Variants in WASF3 observed in about 807,000 individuals in gnomAD.
WASF3 encodes WASP family member 3.
WASF3 carries 11 observed loss-of-function variants against 46.6 expected under a neutral mutation model. The ratio of observed to expected loss-of-function variants is 0.24; its 90% CI spans 0.15 to 0.39. WASF3 has a LOEUF of 0.39. WASF3 is among the 10% of genes least tolerant of loss of function. The pLI, the probability that WASF3 is intolerant of heterozygous loss-of-function variation, is 1.00. For synonymous variants in WASF3, 242 were observed against 259.7 expected, an observed-to-expected ratio of 0.93 and a Z score of 0.65; for missense variants, 576 against 669.8, an observed-to-expected ratio of 0.86 and a Z score of 1.55.
chr13:26,684,014 G>T (rs530061484), intron 9 of WASF3, among the ~76,000 whole-genome samples: 1 of 152,212 alleles, frequency 6.6e-6, no homozygotes, highest in Non-Finnish European at 1.5e-5. Context: ...GACCAAGCAA[G>T]GAGCCTGGCT....
Position 26,679,148 on chromosome 13 carries a change from A to G in WASF3, c.717-1906A>G, listed in dbSNP as rs963721681. Among the ~76,000 whole-genome samples, 1 of 151,830 alleles carries G rather than the reference A, an allele frequency of 6.6e-6. No homozygotes were observed. Among genetic ancestry groups the G allele is most frequent in the Non-Finnish European group, 1.5e-5 (1 of 67,978 alleles). On this transcript the variant is annotated intron_variant, in intron 7 of 9. Transcript: ENST00000335327. This position sits in a 1 kb window ranked among gnomAD's most constrained non-coding sequence, Gnocchi z 4.8. ...CTGTAATAGGTGATCACTGACCATC[A>G]TGAGGCCTCGGGATCTCCACTCACC...
At chr13:26,579,398 T>G (rs1395221184) in intron 1 of WASF3, among the ~76,000 whole-genome samples, 1 of 152,184 alleles carries the variant, frequency 6.6e-6, no homozygotes, top group African/African-American at 2.4e-5. Flanking sequence ...AGCAGACACA[T>G]ACATTCAAAT....
At chr13:26,650,737 A>G (rs1882290993) in intron 3 of WASF3, among the ~76,000 whole-genome samples, 1 of 152,236 alleles carries the variant, frequency 6.6e-6, no homozygotes, top group Admixed American at 6.5e-5. Flanking sequence ...ATCAGAAAGA[A>G]AGAATTCATC....
At chr13:26,552,494 T>A in the WASF3 span, among the ~76,000 whole-genome samples, 1 of 152,208 alleles carries the variant, frequency 6.6e-6, no homozygotes, top group Non-Finnish European at 1.5e-5. Context: ...TCACTCTATG[T>A]CAAGATGAAA....
chr13:26,539,582 T>TA, the WASF3 span, among the ~76,000 whole-genome samples: 2,477 of 150,318 alleles, frequency 0.016, 78 homozygotes, highest in African/African-American at 0.055. Flanking sequence ...GGCATTAAAT[T>TA]AAAAAAAAAA....
chr13:26,598,455 T>C (rs913917376), intron 1 of WASF3, among the ~76,000 whole-genome samples: 3 of 152,204 alleles, frequency 2.0e-5, no homozygotes, highest in Non-Finnish European at 2.9e-5. Context: ...GCAGAAGCTC[T>C]TCGGCCCGAT....
At chr13:26,558,604 C>G (rs539654186) in intron 1 of WASF3, among the ~76,000 whole-genome samples, 1 of 152,248 alleles carries the variant, frequency 6.6e-6, no homozygotes, top group South Asian at 2.1e-4. Context: ...CTTGATTTGG[C>G]CCCTCTGCAA....
chr13:26,578,662 C>T (rs1238847537), intron 1 of WASF3, among the ~76,000 whole-genome samples: 3 of 152,096 alleles, frequency 2.0e-5, no homozygotes, highest in African/African-American at 7.2e-5. Context: ...TCTCCCTCTC[C>T]CTCCTGCTCC....
At chr13:26,565,049 A>G (rs993754474) in intron 1 of WASF3, among the ~76,000 whole-genome samples, 3 of 151,874 alleles carry the variant, frequency 2.0e-5, no homozygotes, top group African/African-American at 7.3e-5. Context: ...TGGTAGACAC[A>G]GGGTCTCACT....
chr13:26,638,014 C>T (rs895567615), intron 2 of WASF3: 1 of 152,428 alleles, frequency 6.6e-6, no homozygotes, highest in Non-Finnish European at 1.5e-5. Flanking sequence ...CATCAAACCA[C>T]AGTGCAAACC....
chr13:26,593,566 T>G (rs565160050), intron 1 of WASF3, among the ~76,000 whole-genome samples: 1 of 152,248 alleles, frequency 6.6e-6, no homozygotes, highest in Non-Finnish European at 1.5e-5. Context: ...TGTCACTGTT[T>G]TGTGTGCCTT....
rs140084662 is a variant in WASF3, at chr13:26,575,100, C to T, written c.-109+17281C>T. Reference sequence around the variant, plus strand: ...ATCCGCCCACCTTGGCCTCCCACAGCGCTGGGATTACAGGCGTGAGCCACC... The same window carrying T: ...ATCCGCCCACCTTGGCCTCCCACAGTGCTGGGATTACAGGCGTGAGCCACC... On this transcript the variant is annotated intron_variant, in intron 1 of 9. Transcript: ENST00000335327. 6.8e-3 allele frequency among the ~76,000 whole-genome samples: 1,041 copies of T among 152,194 alleles called. 17 individuals carry two copies. The highest frequency in any genetic ancestry group is 0.024 in the African/African-American group (986 of 41,528).
rs1486662429 is a variant in WASF3 at position 26,679,656 on chromosome 13, T to C, written c.717-1398T>C. Among the ~76,000 whole-genome samples, 2 of 152,176 alleles carry C rather than the reference T, an allele frequency of 1.3e-5. No individual in the cohort carries two copies. Among genetic ancestry groups the C allele is most frequent in the Non-Finnish European group, 2.9e-5 (2 of 68,032 alleles). On this transcript the variant is annotated intron_variant, in intron 7 of 9. Transcript: ENST00000335327. This position sits in a 1 kb window ranked among gnomAD's most constrained non-coding sequence, Gnocchi z 4.8. ...CGCAGAGTCAAGCACACATCATCAG[T>C]GTCTCCAAGGGTTATAGGAATTTAC...
intron 2 of WASF3, among the ~76,000 whole-genome samples, chr13:26,617,156 A>T (rs1881160371): frequency 6.6e-6 from 1 of 152,160 alleles, no homozygotes; most frequent in Admixed American, 6.6e-5. Context: ...ACTATCAATT[A>T]ACACTTGTTA....
intron 3 of WASF3, among the ~76,000 whole-genome samples, chr13:26,657,808 G>A (rs563186171): frequency 1.3e-5 from 2 of 152,326 alleles, no homozygotes; most frequent in Admixed American, 1.3e-4. Context: ...ACTGAAGATT[G>A]TAATTATAAC....
At chr13:26,616,525 A>T in intron 2 of WASF3, among the ~76,000 whole-genome samples, 1 of 152,084 alleles carries the variant, frequency 6.6e-6, no homozygotes, top group Non-Finnish European at 1.5e-5. Context: ...TATGATTTGT[A>T]GTTTTATTCA....
chr13:26,598,388 A>G (rs1880540646), intron 1 of WASF3, among the ~76,000 whole-genome samples: 1 of 152,148 alleles, frequency 6.6e-6, no homozygotes. Flanking sequence ...GTAGATTGCA[A>G]AAATTTTCTC....
intron 2 of WASF3, 190 bp from the exon 3 acceptor site, chr13:26,642,071 C>T (rs770159648): frequency 3.9e-5 from 18 of 465,086 alleles, no homozygotes; most frequent in Non-Finnish European, 5.9e-5. Context: ...TTATACTATA[C>T]ATGTACCTTC....
chr13:26,597,444 T>TTTGTTG (rs376294093), intron 1 of WASF3, among the ~76,000 whole-genome samples: 10 of 152,012 alleles, frequency 6.6e-5, no homozygotes, highest in African/African-American at 1.2e-4. Context: ...CCCTTGATTT[T>TTTGTTG]TTGTTGTTGT....
Sources: allele counts gnomAD v4.1 joint callset (sites outside exome capture counted in the v4.1 genomes callset), GRCh38; gene constraint gnomAD v4.1.1; non-coding constraint Gnocchi (gnomAD v3.1); transcripts MANE v1.5; gene names NCBI Gene and HGNC (gene_info 2026-07-23, HGNC 2026-07-21).